DNAAF9: variants seen among roughly 807,000 people sequenced by gnomAD.
The protein encoded by DNAAF9 is shulin.
Under a neutral mutation model 167.0 loss-of-function variants are expected in DNAAF9, and 90 were observed. The observed-to-expected ratio is 0.54, with a 90% CI of 0.45 to 0.64. DNAAF9 has a LOEUF of 0.64. Ranked by LOEUF, DNAAF9 falls within the 30% of genes least tolerant of loss-of-function variation. The probability of loss-of-function intolerance (pLI) is 0.00; values close to 1 mark genes in which losing one functional copy is unlikely to be tolerated. For missense variants in DNAAF9, 1,315 were observed against 1,442.2 expected (o/e 0.91, Z 1.43); for synonymous variants, 491 against 508.8 (o/e 0.96, Z 0.47).
intron 35 of DNAAF9, 71 bp from the exon 36 acceptor site, chr20:3,253,890 C>T (rs1019703312): frequency 1.3e-5 from 12 of 895,462 alleles, no homozygotes; most frequent in Non-Finnish European, 2.1e-5. Flanking sequence ...TTAAAACAAA[C>T]AAGTCTATTT....
Position 3,361,857 on chromosome 20 carries a change from G to A in DNAAF9, c.613-2264C>T. ...AATCGAATGTTGGGGGGAAGGGGAA[G>A]GGCCTGTGGTTTTTCTTTTTGGTTA... On this transcript the variant is annotated intron_variant, in intron 6 of 36. Transcript: ENST00000252032. 3 of 1,457,682 alleles carry A rather than the reference G, an allele frequency of 2.1e-6. No individual in the cohort carries two copies. In the Admixed American group the frequency reaches 5.2e-5, roughly 25 times the overall value. 90.3% of individuals were successfully genotyped at this position (1,457,682 alleles called of 1,614,324 possible). A position where few individuals can be genotyped will look rare whatever the true frequency, so the allele number is the denominator to read the frequency against.
chr20:3,313,357 C>T (rs912509812), intron 20 of DNAAF9, among the ~76,000 whole-genome samples: 7 of 152,308 alleles, frequency 4.6e-5, no homozygotes, highest in South Asian at 4.1e-4. Context: ...ACTCCTTGTG[C>T]TTTGTCTTCT....
chr20:3,256,339 T>C, intron 33 of DNAAF9, 128 bp from the exon 34 acceptor site: 2 of 697,768 alleles, frequency 2.9e-6, no homozygotes, highest in South Asian at 3.5e-5. Context: ...CTGATGTGAC[T>C]GGTGGCAGCT....
chr20:3,287,870 G>T, intron 26 of DNAAF9, 80 bp from the exon 27 acceptor site: 1 of 1,266,934 alleles, frequency 7.9e-7, no homozygotes. Context: ...ATTCAAATGT[G>T]ACCATGAGTC....
At chr20:3,323,274 C>CTTTTTTTTTTTTTTTTTTTTTTTTTTTT (rs71195835) in intron 14 of DNAAF9, among the ~76,000 whole-genome samples, 1 of 69,084 alleles carries the variant, frequency 1.4e-5, no homozygotes. Flanking sequence ...GTGAAGTAAT[C>CTTTTTTTTTTTTTTTTTTTTTTTTTTTT]TTTTTTTTTT....
chr20:3,320,508 C>T (rs1208852275), intron 16 of DNAAF9, among the ~76,000 whole-genome samples: 1 of 152,152 alleles, frequency 6.6e-6, no homozygotes, highest in African/African-American at 2.4e-5. Flanking sequence ...CAAAGCACTG[C>T]TCAAGAGTCT....
chr20:3,264,667 T>G, intron 30 of DNAAF9, 143 bp from the exon 31 acceptor site: 1 of 638,700 alleles, frequency 1.6e-6, no homozygotes, highest in Non-Finnish European at 2.8e-6. Context: ...CTTCCCGGGT[T>G]CAAGTGATTC....
intron 20 of DNAAF9, among the ~76,000 whole-genome samples, chr20:3,305,123 T>C (rs1174641358): frequency 6.6e-6 from 1 of 152,178 alleles, no homozygotes; most frequent in African/African-American, 2.4e-5. Context: ...TGGACATGGA[T>C]GTGGGTTCCT....
intron 4 of DNAAF9, 76 bp from the exon 5 acceptor site, chr20:3,375,202 T>C (rs1378042598): frequency 2.1e-6 from 2 of 932,782 alleles, no homozygotes; most frequent in East Asian, 4.8e-5. Context: ...CTGCATTTTG[T>C]CAACCAGAGT....
intron 20 of DNAAF9, among the ~76,000 whole-genome samples, chr20:3,310,373 G>GAAAGAAAGAAAGAAAA: frequency 1.3e-5 from 2 of 151,124 alleles, no homozygotes; most frequent in Admixed American, 6.6e-5. Context: ...AAGAAAGAAA[G>GAAAGAAAGAAAGAAAA]AAAGAAAGAA....
intron 23 of DNAAF9, chr20:3,296,235 C>A (rs996045382): frequency 6.0e-6 from 3 of 497,714 alleles, no homozygotes; most frequent in Non-Finnish European, 1.2e-5. Context: ...CACCACTGCA[C>A]TCTACCCGGG....
At chr20:3,392,800 T>C (rs1162709836) in intron 1 of DNAAF9, among the ~76,000 whole-genome samples, 1 of 152,148 alleles carries the variant, frequency 6.6e-6, no homozygotes, top group Non-Finnish European at 1.5e-5. Flanking sequence ...GCTTTCTTTA[T>C]CTTGAAAATT....
intron 10 of DNAAF9, among the ~76,000 whole-genome samples, chr20:3,335,101 T>A (rs1293648387): frequency 1.3e-5 from 2 of 152,236 alleles, no homozygotes; most frequent in Non-Finnish European, 2.9e-5. Flanking sequence ...GGTGGTTTTT[T>A]ATTTTTATTT....
chr20:3,299,412 G>C (rs778364823), intron 21 of DNAAF9, among the ~76,000 whole-genome samples: 6 of 152,120 alleles, frequency 3.9e-5, no homozygotes, highest in Non-Finnish European at 7.4e-5. Context: ...CTGGGTTCAA[G>C]CAATTCTCAT....
intron 10 of DNAAF9, among the ~76,000 whole-genome samples, chr20:3,337,608 T>C (rs2069988725): frequency 6.6e-6 from 1 of 152,174 alleles, no homozygotes; most frequent in Admixed American, 6.5e-5. Context: ...TGACTGTCTT[T>C]TCTCATTGAG....
At chr20:3,364,617 T>C (rs140940558) in intron 6 of DNAAF9, among the ~76,000 whole-genome samples, 8 of 152,358 alleles carry the variant, frequency 5.3e-5, no homozygotes, top group African/African-American at 1.9e-4. Context: ...CACAAATATT[T>C]TGGTTTCCTA....
chr20:3,287,647 A>G lies in DNAAF9; in HGVS notation c.2471T>C (p.Leu824Pro). Residue 824 changes from leucine to proline, a missense_variant, in exon 27 of 37, where the codon CTG becomes CCG. By Grantham distance (98) the Leu-to-Pro change is moderately conservative (BLOSUM62 -3). Transcript: ENST00000252032. ...SAYIRKKTRL[L>P]VVLQGYTDVI... is the part of the protein sequence containing the mutation. ...CAATGCTCACCCTTGTAACACCACC[A>G]GCAGTCTGGTCTTCTTGCGGATGTA... The G allele has an allele frequency of 6.2e-7, 1 of 1,614,234 alleles. No individual in the cohort carries two copies. Among genetic ancestry groups the G allele is most frequent in the Non-Finnish European group, 8.5e-7 (1 of 1,180,032 alleles).
At chr20:3,314,043 A>G (rs1296195914) in intron 20 of DNAAF9, among the ~76,000 whole-genome samples, 2 of 152,274 alleles carry the variant, frequency 1.3e-5, no homozygotes, top group East Asian at 3.9e-4. Context: ...CCTGAAGTCT[A>G]TGCCAGTCCC....
intron 20 of DNAAF9, among the ~76,000 whole-genome samples, chr20:3,312,388 A>C (rs1290480018): frequency 6.6e-6 from 1 of 152,116 alleles, no homozygotes; most frequent in Non-Finnish European, 1.5e-5. Context: ...TGCTGCCATT[A>C]ACTTGTACTA....
Sources: allele counts gnomAD v4.1 joint callset (sites outside exome capture counted in the v4.1 genomes callset), GRCh38; gene constraint gnomAD v4.1.1; transcripts MANE v1.5; gene names NCBI Gene and HGNC (gene_info 2026-07-23, HGNC 2026-07-21).